Variants in CAMTA1 observed in about 807,000 individuals in gnomAD.
CAMTA1 encodes the protein calmodulin-binding transcription activator 1.
CAMTA1 carries 27 observed loss-of-function variants against 170.9 expected under a neutral mutation model. The ratio of observed to expected loss-of-function variants is 0.16; its 90% CI spans 0.12 to 0.22. The LOEUF is 0.22. CAMTA1 is among the 10% of genes least tolerant of loss of function. The pLI is 1.00. For synonymous variants in CAMTA1, 833 were observed against 891.5 expected (o/e 0.93, Z 1.17); for missense variants, 1,619 against 2,217.2 (o/e 0.73, Z 5.42).
intron 4 of CAMTA1, among the ~76,000 whole-genome samples, chr1:7,116,792 C>T (rs188687630): frequency 8.6e-5 from 13 of 150,874 alleles, no homozygotes; most frequent in African/African-American, 2.7e-4. Context: ...GGACTACAGG[C>T]GCCTGCCACC....
At chr1:6,952,570 C>A (rs753966667) in intron 3 of CAMTA1, among the ~76,000 whole-genome samples, 5 of 151,858 alleles carry the variant, frequency 3.3e-5, no homozygotes, top group Non-Finnish European at 5.9e-5. Context: ...GTGTGTCTCA[C>A]GCCTGTAATC....
intron 3 of CAMTA1, among the ~76,000 whole-genome samples, chr1:6,835,006 C>T (rs1165788640): frequency 1.3e-5 from 2 of 152,144 alleles, no homozygotes; most frequent in East Asian, 1.9e-4. Context: ...AAGTTCAGAA[C>T]ATTTTTCATC....
chr1:7,153,609 G>C (rs1646700952), intron 4 of CAMTA1, among the ~76,000 whole-genome samples: 2 of 152,110 alleles, frequency 1.3e-5, no homozygotes, highest in Admixed American at 1.3e-4. Flanking sequence ...CCAGAGCCCA[G>C]GCGGGAGGGA....
intron 22 of CAMTA1, among the ~76,000 whole-genome samples, chr1:7,760,303 G>A (rs753497521): frequency 6.6e-6 from 1 of 152,176 alleles, no homozygotes; most frequent in African/African-American, 2.4e-5. Flanking sequence ...GAACAGCCCC[G>A]GGTCATAGCT....
chr1:7,071,075 G>C (rs78565529), intron 3 of CAMTA1, among the ~76,000 whole-genome samples: 1,582 of 152,322 alleles, frequency 0.01, 35 homozygotes, highest in African/African-American at 0.036. Flanking sequence ...CCCGCAGACT[G>C]ATGGCTTGCT....
chr1:7,686,705 G>C (rs994269893), intron 11 of CAMTA1, among the ~76,000 whole-genome samples: 6 of 152,188 alleles, frequency 3.9e-5, no homozygotes, highest in African/African-American at 1.4e-4. Context: ...CACCGGCACA[G>C]AGACTACTCC....
At chr1:6,957,663 T>C (rs902239286) in intron 3 of CAMTA1, among the ~76,000 whole-genome samples, 1 of 152,242 alleles carries the variant, frequency 6.6e-6, no homozygotes, top group Non-Finnish European at 1.5e-5. Context: ...TGTGATTCCA[T>C]TGGGTACATG....
At position 7,674,376 on chromosome 1, in the gene CAMTA1, A is replaced by G. The variant is rs2096092034; in HGVS notation, c.2780-3223A>G. Among the ~76,000 whole-genome samples the G allele has an allele frequency of 6.6e-6, 1 of 152,100 alleles. No homozygotes were observed. Among genetic ancestry groups the G allele is most frequent in the Admixed American group, 6.5e-5 (1 of 15,276 alleles). On this transcript the variant is annotated intron_variant, in intron 10 of 22. Coordinates refer to ENST00000303635, the MANE Select transcript of CAMTA1 (RefSeq NM_015215.4). The surrounding 1 kb of genome is among the most constrained non-coding windows in gnomAD (Gnocchi z 4.1). The stretch of plus-strand genomic sequence containing the variant: ...TGAGTGAGAGGAGGTGCTGGGGAAA[A>G]GAGGCGACTCAGGCTTGGGAGAAGA...
At chr1:7,318,854 A>G (rs1677934777) in intron 5 of CAMTA1, among the ~76,000 whole-genome samples, 1 of 152,248 alleles carries the variant, frequency 6.6e-6, no homozygotes, top group African/African-American at 2.4e-5. Flanking sequence ...GCCTCTGGGC[A>G]TATTCAGTGA....
In CAMTA1 at chr1:7,697,803, C is replaced by T. The variant is rs116198891; in HGVS notation, c.2914+20070C>T. On this transcript the variant is annotated intron_variant, in intron 11 of 22. Coordinates refer to ENST00000303635, the MANE Select transcript of CAMTA1 (RefSeq NM_015215.4). ...TACAGCTGGCACCTTCCCAGGATGA[C>T]GCCAATCATGGCATATCCTGGTAGC... 8.7e-3 allele frequency among the ~76,000 whole-genome samples: 1,332 copies of T among 152,318 alleles called. 13 individuals are homozygous for T. Among genetic ancestry groups the T allele is most frequent in the African/African-American group, 0.029 (1,203 of 41,562 alleles).
At position 7,463,156 on chromosome 1, in the gene CAMTA1, T is replaced by C. The variant is rs1465934565; in HGVS notation, c.439-4674T>C. Reference sequence around the variant, plus strand: ...GGCTGCCCTGTGGCCCGCTGTGACCTTCAGGCCCCATCTGCTCCCCGGGGC... The same window carrying C: ...GGCTGCCCTGTGGCCCGCTGTGACCCTCAGGCCCCATCTGCTCCCCGGGGC... On this transcript the variant is annotated intron_variant, in intron 5 of 22. Coordinates refer to ENST00000303635, the MANE Select transcript of CAMTA1 (RefSeq NM_015215.4). The surrounding 1 kb of genome is among the most constrained non-coding windows in gnomAD (Gnocchi z 4.7). Among the ~76,000 whole-genome samples the C allele has an allele frequency of 6.6e-6, 1 of 151,988 alleles. No individual in the cohort carries two copies. The highest frequency in any genetic ancestry group is 1.5e-5 in the Non-Finnish European group (1 of 68,028).
chr1:7,213,862 GT>G (rs891404271), intron 4 of CAMTA1, among the ~76,000 whole-genome samples: 14 of 151,968 alleles, frequency 9.2e-5, no homozygotes, highest in Admixed American at 2.6e-4. Flanking sequence ...TGCGGTGGTT[GT>G]TTTTTTGTCC....
At chr1:7,555,314 A>G (rs2094861328) in intron 6 of CAMTA1, among the ~76,000 whole-genome samples, 1 of 152,166 alleles carries the variant, frequency 6.6e-6, no homozygotes, top group Admixed American at 6.5e-5. Flanking sequence ...TTGGGGGTGC[A>G]TGTGGGTAGG....
rs2096254240 is a variant in CAMTA1 at position 7,685,956 on chromosome 1, C to T, written c.2914+8223C>T. On this transcript the variant is annotated intron_variant, in intron 11 of 22. Coordinates refer to ENST00000303635, the MANE Select transcript of CAMTA1 (RefSeq NM_015215.4). The surrounding 1 kb of genome is among the most constrained non-coding windows in gnomAD (Gnocchi z 5.7). ...TCACTCCCTCCCCGACATCCCAATA[C>T]TAGCCTAGCATGTTTCTTTCCTTTA... Among the ~76,000 whole-genome samples the T allele has an allele frequency of 6.6e-6, 1 of 152,212 alleles. No homozygotes were observed. Among genetic ancestry groups the T allele is most frequent in the African/African-American group, 2.4e-5 (1 of 41,438 alleles).
rs1288102584 is a variant in CAMTA1 at position 7,681,392 on chromosome 1, G to A, written c.2914+3659G>A. On this transcript the variant is annotated intron_variant, in intron 11 of 22. Transcript: ENST00000303635. The surrounding 1 kb of genome is among the most constrained non-coding windows in gnomAD (Gnocchi z 4.6). ...CTGAGCAGGGTTAGCCCGGGAAGAG[G>A]GGGCATCAAGGGTGGCAGGAGAGGG... 1.3e-5 allele frequency among the ~76,000 whole-genome samples: 2 copies of A among 152,202 alleles called. No individual in the cohort carries two copies. Among genetic ancestry groups the A allele is most frequent in the African/African-American group, 4.8e-5 (2 of 41,448 alleles).
intron 5 of CAMTA1, among the ~76,000 whole-genome samples, chr1:7,467,057 T>C (rs2093228094): frequency 6.6e-6 from 1 of 152,008 alleles, no homozygotes; most frequent in Non-Finnish European, 1.5e-5. Flanking sequence ...CTCACCAACA[T>C]GCCAGCCCCA....
intron 3 of CAMTA1, among the ~76,000 whole-genome samples, chr1:6,877,727 A>G (rs1411260581): frequency 6.6e-6 from 1 of 152,174 alleles, no homozygotes; most frequent in Non-Finnish European, 1.5e-5. Flanking sequence ...TCAGGTTTGG[A>G]TATCCAGCCC....
intron 6 of CAMTA1, among the ~76,000 whole-genome samples, chr1:7,480,617 G>A (rs116399899): frequency 0.032 from 4,865 of 151,998 alleles, 166 homozygotes; most frequent in East Asian, 0.16. Flanking sequence ...CTCTTCAGGC[G>A]GCCATTCCCT....
At chr1:7,508,971 A>G (rs2094161960) in intron 6 of CAMTA1, among the ~76,000 whole-genome samples, 1 of 152,220 alleles carries the variant, frequency 6.6e-6, no homozygotes, top group Admixed American at 6.5e-5. Flanking sequence ...AAAAATGCCC[A>G]TGGCCTGAGA....
Sources: allele counts gnomAD v4.1 joint callset (sites outside exome capture counted in the v4.1 genomes callset), GRCh38; gene constraint gnomAD v4.1.1; non-coding constraint Gnocchi (gnomAD v3.1); transcripts MANE v1.5; gene names NCBI Gene and HGNC (gene_info 2026-07-23, HGNC 2026-07-21).